The following MASP2 variants were observed in gnomAD, a reference collection of about 807,000 sequenced individuals.
MASP2 encodes MBL associated serine protease 2, also known as mannan-binding lectin serine protease 2.
MASP2 carries 49 observed loss-of-function variants against 57.1 expected under a neutral mutation model. The ratio of observed to expected loss-of-function variants is 0.86; its 90% CI spans 0.68 to 1.09. The LOEUF (loss-of-function observed/expected upper bound fraction) is 1.09, where lower values mean the gene tolerates loss of function less well. Ranked by LOEUF, MASP2 falls within the 50% of genes least tolerant of loss-of-function variation. The pLI is 0.00. For missense variants in MASP2, 900 were observed against 874.8 expected (o/e 1.03, Z -0.36); for synonymous variants, 379 against 340.8 (o/e 1.11, Z -1.24).
At chr1:11,043,746 A>C (rs1490016950) in intron 4 of MASP2, among the ~76,000 whole-genome samples, 2 of 152,038 alleles carry the variant, frequency 1.3e-5, no homozygotes. Flanking sequence ...GGGGCCGCTT[A>C]GAGAGGGGGT....
intron 10 of MASP2, among the ~76,000 whole-genome samples, chr1:11,029,433 A>T (rs911254739): frequency 6.6e-6 from 1 of 151,690 alleles, no homozygotes; most frequent in African/African-American, 2.4e-5. Context: ...CTCAACTATT[A>T]TCTTTGGAGC....
At chr1:11,044,768 C>T in intron 4 of MASP2, 1 of 1,335,154 alleles carries the variant, frequency 7.5e-7, no homozygotes, top group Non-Finnish European at 1.0e-6. Context: ...GCCTCCCGAC[C>T]CTCCCACCCC....
At chr1:11,035,138 A>G (rs1001717091) in intron 7 of MASP2, among the ~76,000 whole-genome samples, 3 of 152,134 alleles carry the variant, frequency 2.0e-5, no homozygotes, top group Non-Finnish European at 2.9e-5. Context: ...TACGTATTTC[A>G]TCACTCAACA....
At position 11,046,615 on chromosome 1, in the gene MASP2, C is replaced by G. The variant is rs748848129; in HGVS notation, c.353G>C (p.Arg118Pro). 6.2e-7 allele frequency: 1 copy of G among 1,613,746 alleles called. No individual in the cohort carries two copies. Among genetic ancestry groups the G allele is most frequent in the Non-Finnish European group, 8.5e-7 (1 of 1,180,032 alleles). ...CGGCTTCTCGTTGGAGTAGTCGGAG[C>G]GGAAGGTAATGTCCAGGCTGGAGCC... ...SLGSSLDITFRSDYSNEKPFT... is the reference protein window; with the variant it reads ...SLGSSLDITFPSDYSNEKPFT... Residue 118 changes from arginine to proline, a missense_variant, in exon 3 of 11, where the codon CGC (arginine) becomes CCC (proline). Physicochemically the swap from Arg to Pro is moderately radical, Grantham distance 103. Coordinates refer to ENST00000400897, the MANE Select transcript of MASP2 (RefSeq NM_006610.4).
intron 4 of MASP2, among the ~76,000 whole-genome samples, chr1:11,043,914 C>T (rs377469644): frequency 7.1e-6 from 1 of 140,476 alleles, no homozygotes; most frequent in South Asian, 2.3e-4. Context: ...TCTGCCGGGG[C>T]GGGGGGCGGG....
chr1:11,037,807 C>T lies in MASP2; in HGVS notation c.894G>A (p.Gln298=), dbSNP rs991605669. 7 of 1,603,586 alleles carry T rather than the reference C, an allele frequency of 4.4e-6. No individual in the cohort carries two copies. In the Admixed American group the frequency reaches 8.6e-5, roughly 20 times the overall value. ...GWKIHYTSTA[Q]PCPYPMAPPN... ...GTGGCGCCATCGGATAAGGGCAAGGCTGCGCTGCGCAGAGGAAACCAGGCT... is the reference window on the plus strand; with the variant it reads ...GTGGCGCCATCGGATAAGGGCAAGGTTGCGCTGCGCAGAGGAAACCAGGCT... Residue 298 remains glutamine, a synonymous_variant, in exon 7 of 11, where the codon CAG becomes CAA. Transcript: ENST00000400897.
intron 8 of MASP2, among the ~76,000 whole-genome samples, chr1:11,031,481 A>G (rs1643844267): frequency 7.6e-6 from 1 of 132,234 alleles, no homozygotes; most frequent in Admixed American, 8.6e-5. Flanking sequence ...GAGAGCCAAG[A>G]TGGCACCACT....
In MASP2 at chr1:11,047,026, G is replaced by A. The variant is rs534852238; in HGVS notation, c.99C>T (p.Pro33=). The stretch of plus-strand genomic sequence containing the variant: ...CATTGGCATACTCCCCTGGAAAGCC[G>A]GGGGATGCCAGGCGCCCGAACACAG... ...PEPVFGRLAS[P]GFPGEYANDQ... The change falls in exon 2 of 11, where the codon CCC becomes CCT. Residue 33 remains proline (P), a synonymous_variant. Transcript: ENST00000400897. The A allele has an allele frequency of 7.4e-5, 115 of 1,551,882 alleles. 1 individual carries two copies. In the East Asian group the frequency reaches 1.6e-3, roughly 21 times the overall value.
At position 11,043,495 on chromosome 1, in the gene MASP2, C is replaced by A. The variant is rs1054646787; in HGVS notation, c.585G>T (p.Glu195Asp). ...GCCGTGGGTATTCAGGGCTGCTGAG[C>A]TCCCCAGACCTCTGGGTGAAGACCT... ...SGQVFTQRSGELSSPEYPRPY... is the reference protein window; with the variant it reads ...SGQVFTQRSGDLSSPEYPRPY... Residue 195 changes from glutamate to aspartate, a missense_variant, in exon 5 of 11, where the codon GAG becomes GAT. Coordinates refer to ENST00000400897, the MANE Select transcript of MASP2 (RefSeq NM_006610.4). The A allele has an allele frequency of 6.2e-7, 1 of 1,607,398 alleles. No individual in the cohort carries two copies. Among genetic ancestry groups the A allele is most frequent in the Non-Finnish European group, 8.5e-7 (1 of 1,177,766 alleles).
intron 6 of MASP2, among the ~76,000 whole-genome samples, chr1:11,038,142 C>A (rs906590918): frequency 6.6e-6 from 1 of 152,110 alleles, no homozygotes; most frequent in Admixed American, 6.6e-5. Context: ...AGTGTAACTC[C>A]GAGGAAAAGA....
chr1:11,028,174 T>A (rs1175929028), intron 10 of MASP2, among the ~76,000 whole-genome samples: 1 of 151,496 alleles, frequency 6.6e-6, no homozygotes, highest in South Asian at 2.1e-4. Context: ...GTAAGACAAG[T>A]CACACCACTG....
chr1:11,037,600 T>A, intron 7 of MASP2, 93 bp downstream of exon 7: 1 of 751,802 alleles, frequency 1.3e-6, no homozygotes, highest in Non-Finnish European at 2.1e-6. Context: ...GACACACGAT[T>A]TTCTCACTTT....
intron 3 of MASP2, 37 bp from the exon 4 acceptor site, chr1:11,045,576 G>A (rs1638614073): frequency 1.3e-6 from 2 of 1,576,122 alleles, no homozygotes; most frequent in Non-Finnish European, 1.7e-6. Flanking sequence ...CCGTCAGGAG[G>A]GAAAGAGGCG....
Position 11,046,656 on chromosome 1 carries a change from G to C in MASP2, c.312C>G (p.Asp104Glu). The C allele has an allele frequency of 6.2e-7, 1 of 1,613,618 alleles. No individual in the cohort carries two copies. The highest frequency in any genetic ancestry group is 1.1e-5 in the South Asian group (1 of 91,086). ...STDTERAPGK[D>E]TFYSLGSSLD... Reference sequence around the variant, plus strand: ...GGCTGGAGCCCAGCGAGTAGAAAGTGTCCTTGCCAGGGGCCCGCTCCGTGT... The same window carrying C: ...GGCTGGAGCCCAGCGAGTAGAAAGTCTCCTTGCCAGGGGCCCGCTCCGTGT... Residue 104 changes from aspartate (D) to glutamate (E), a missense_variant, in exon 3 of 11, where the codon GAC (aspartate) becomes GAG (glutamate). Asp to Glu is a conservative substitution (Grantham distance 45). Coordinates refer to ENST00000400897, the MANE Select transcript of MASP2 (RefSeq NM_006610.4).
In MASP2 at chr1:11,032,608, C is replaced by CAAAA. The variant is rs36074066; in HGVS notation, c.1088-1730_1088-1727dup. Among the ~76,000 whole-genome samples the CAAAA allele has an allele frequency of 1.3e-3, 136 of 106,086 alleles. 3 individuals carry two copies. Among genetic ancestry groups the CAAAA allele is most frequent in the East Asian group, 2.7e-3 (10 of 3,724 alleles). 69.6% of individuals were successfully genotyped at this position (106,086 alleles called of 152,430 possible). A position where few individuals can be genotyped will look rare whatever the true frequency, so the allele number is the denominator to read the frequency against. ...CCTGGGTGACAGAATGAGACCCCGT[C>CAAAA]AAAAAAAAAAAAAAAAGTGGCTGGT... On this transcript the variant is annotated intron_variant, in intron 8 of 10. Coordinates refer to ENST00000400897, the MANE Select transcript of MASP2 (RefSeq NM_006610.4).
chr1:11,027,211 C>T lies in MASP2; in HGVS notation c.1735G>A (p.Gly579Ser). 1.2e-6 allele frequency: 2 copies of T among 1,614,058 alleles called. No homozygotes were observed. Among genetic ancestry groups the T allele is most frequent in the African/African-American group, 2.7e-5 (2 of 75,010 alleles). ...TASGWGLTQR[G>S]FLARNLMYVD... The stretch of plus-strand genomic sequence containing the variant: ...TACATTAGATTTCTAGCAAGAAAAC[C>T]CCTTTGGGTTAATCCCCATCCAGAT... Residue 579 changes from glycine (G) to serine (S), a missense_variant, in exon 11 of 11, where the codon GGT (glycine) becomes AGT (serine). Physicochemically the swap from Gly to Ser is moderately conservative, Grantham distance 56 (BLOSUM62 0). Coordinates refer to ENST00000400897, the MANE Select transcript of MASP2 (RefSeq NM_006610.4).
intron 6 of MASP2, among the ~76,000 whole-genome samples, chr1:11,039,555 G>C (rs1007663067): frequency 1.2e-4 from 2 of 17,078 alleles, no homozygotes; most frequent in African/African-American, 1.8e-4. Flanking sequence ...TAGGTAGAAG[G>C]ATGGGTGGAT....
At chr1:11,041,699 GTGGATGGA>G (rs1553161751) in intron 6 of MASP2, among the ~76,000 whole-genome samples, 2 of 854 alleles carry the variant, frequency 2.3e-3, no homozygotes, top group Non-Finnish European at 2.5e-3. Context: ...GTATGGGTGA[GTGGATGGA>G]TGGGTGAATG....
Position 11,027,260 on chromosome 1 carries a change from C to T in MASP2, c.1686G>A (p.Met562Ile), listed in dbSNP as rs753951316. 8.7e-6 allele frequency: 14 copies of T among 1,614,138 alleles called. No individual in the cohort carries two copies. The South Asian group carries it at 1.1e-4, about 13-fold the overall frequency. ...ATGCAGTTCCAATGTCATCTGTCCT[C>T]ATAAAGGATTCAGCTTCTTTTCTTG... Reference protein sequence around the residue: ...CLPRKEAESFMRTDDIGTASG... With the variant: ...CLPRKEAESFIRTDDIGTASG... Residue 562 changes from methionine (M) to isoleucine (I), a missense_variant, in exon 11 of 11, where the codon ATG becomes ATA. Transcript: ENST00000400897.
Sources: gnomAD v4.1 joint callset for allele counts (sites outside exome capture counted in the v4.1 genomes callset) on GRCh38, gnomAD v4.1.1 for gene constraint, MANE v1.5 for transcripts, NCBI Gene and HGNC (gene_info 2026-07-23, HGNC 2026-07-21) for gene names.